GRK2: variants seen among roughly 807,000 people sequenced by gnomAD.
GRK2 encodes the protein adrenergic beta receptor kinase 1.
In GRK2, 23 loss-of-function variants were observed where a neutral mutation model predicts 97.8. That is an observed-to-expected ratio of 0.24 (90% CI 0.17 to 0.33). GRK2 has a LOEUF of 0.33. GRK2 is among the 10% of genes least tolerant of loss of function. The pLI, the probability that GRK2 is intolerant of heterozygous loss-of-function variation, is 1.00. For synonymous variants in GRK2, 425 were observed against 381.7 expected, an observed-to-expected ratio of 1.11 and a Z score of -1.32; for missense variants, 633 against 956.9, an observed-to-expected ratio of 0.66 and a Z score of 4.47.
At chr11:67,278,841 C>G (rs2136498763) in intron 2 of GRK2, among the ~76,000 whole-genome samples, 1 of 152,324 alleles carries the variant, frequency 6.6e-6, no homozygotes, top group East Asian at 1.9e-4. Context: ...CCTCACAGAG[C>G]AGGCGCAGGG....
rs1005211602 is a variant in GRK2 at position 67,286,312 on chromosome 11, C to T, written c.*862C>T. ...CCCCCCATCCTGGCCCATCAGTGTA[C>T]CCCCGCCCAGGCTGGCCAGCCCCAC... On this transcript the variant is annotated 3_prime_UTR_variant, in exon 21 of 21. Transcript: ENST00000308595. 1 of 672,972 alleles carries T rather than the reference C, an allele frequency of 1.5e-6. No homozygotes were observed. Among genetic ancestry groups the T allele is most frequent in the Non-Finnish European group, 2.7e-6 (1 of 374,464 alleles). 41.7% of individuals were successfully genotyped at this position (672,972 alleles called of 1,614,324 possible). A position where few individuals can be genotyped will look rare whatever the true frequency, so the allele number is the denominator to read the frequency against.
rs1860289459 is a variant in GRK2 at position 67,286,540 on chromosome 11, T to TA, written c.*1096dup. 1 of 701,416 alleles carries TA rather than the reference T, an allele frequency of 1.4e-6. No individual in the cohort carries two copies. The highest frequency in any genetic ancestry group is 2.6e-6 in the Non-Finnish European group (1 of 383,982). 43.4% of individuals were successfully genotyped at this position (701,416 alleles called of 1,614,324 possible). On this transcript the variant is annotated 3_prime_UTR_variant, in exon 21 of 21. Transcript: ENST00000308595. ...TGAAAAATGAGACTATGCGTTTTTA[T>TA]AAAAAATGGTGCCTGATTCGGCTGT... is the stretch of plus-strand genomic sequence containing the variant.
chr11:67,272,274 G>C (rs781251592), intron 1 of GRK2, among the ~76,000 whole-genome samples: 1 of 152,324 alleles, frequency 6.6e-6, no homozygotes, highest in African/African-American at 2.4e-5. Flanking sequence ...GGTCAAGGGG[G>C]GGATGGAGGG....
At chr11:67,284,001 G>A in intron 17 of GRK2, 52 bp downstream of exon 17, 1 of 1,496,538 alleles carries the variant, frequency 6.7e-7, no homozygotes, top group Non-Finnish European at 9.2e-7. Flanking sequence ...CTGGCCTGGG[G>A]AAGGATCCCT....
At position 67,281,757 on chromosome 11, in the gene GRK2, C is replaced by T. The variant is rs372402791; in HGVS notation, c.826+29C>T. The T allele has an allele frequency of 6.8e-6, 11 of 1,613,458 alleles. No homozygotes were observed. Among genetic ancestry groups the T allele is most frequent in the African/African-American group, 4.0e-5 (3 of 74,910 alleles). ...AGTGCTGGCCGGGCCCTAGGGTGGG[C>T]CGGGCCCAGGCACGGGAGGCTGGGG... On this transcript the variant is annotated intron_variant, in intron 10 of 20. Transcript: ENST00000308595. This position sits in a 1 kb window ranked among gnomAD's most constrained non-coding sequence, Gnocchi z 5.7.
At chr11:67,280,886 T>C in intron 7 of GRK2, 103 bp downstream of exon 7, 1 of 1,394,748 alleles carries the variant, frequency 7.2e-7, no homozygotes. Flanking sequence ...AGGGGATGTC[T>C]GTCCTTTAGC....
At chr11:67,267,686 G>A (rs1399924381) in intron 1 of GRK2, among the ~76,000 whole-genome samples, 1 of 152,244 alleles carries the variant, frequency 6.6e-6, no homozygotes, top group Non-Finnish European at 1.5e-5. Flanking sequence ...CAGGATGTAG[G>A]TGCAAAAGTA....
At chr11:67,277,498 C>G in intron 2 of GRK2, 150 bp downstream of exon 2, 1 of 694,642 alleles carries the variant, frequency 1.4e-6, no homozygotes, top group East Asian at 2.8e-5. Flanking sequence ...TGCTCCAAGT[C>G]GCTGCGACCC....
Position 67,282,863 on chromosome 11 carries a change from C to T in GRK2, c.1227+45C>T, listed in dbSNP as rs1222283036. On this transcript the variant is annotated intron_variant, in intron 14 of 20. Transcript: ENST00000308595. This position sits in a 1 kb window ranked among gnomAD's most constrained non-coding sequence, Gnocchi z 6.9. ...CAGGGCCGCAGGGGGCTGGGGGGAGCTCCTGTGGGTGCCAGGCCATGACTC... is the reference window on the plus strand; with the variant it reads ...CAGGGCCGCAGGGGGCTGGGGGGAGTTCCTGTGGGTGCCAGGCCATGACTC... 8.9e-6 allele frequency: 14 copies of T among 1,569,726 alleles called. No individual in the cohort carries two copies. The highest frequency in any genetic ancestry group is 1.0e-5 in the Non-Finnish European group (12 of 1,157,468).
chr11:67,280,830 C>T (rs759096293), intron 7 of GRK2, 47 bp downstream of exon 7: 129 of 1,605,244 alleles, frequency 8.0e-5, no homozygotes, highest in Non-Finnish European at 1.0e-4. Flanking sequence ...CCCTGCTGCT[C>T]CTCTCCCGGG....
In GRK2 at chr11:67,279,878, G is replaced by A. The variant is rs1157182710; in HGVS notation, c.481G>A (p.Val161Met). The A allele has an allele frequency of 5.0e-6, 8 of 1,613,986 alleles. No homozygotes were observed. Among genetic ancestry groups the A allele is most frequent in the East Asian group, 2.2e-5 (1 of 44,888 alleles). Residue 161 changes from valine (V) to methionine (M), a missense_variant, in exon 6 of 21, where the codon GTG (valine) becomes ATG (methionine). Around this residue, in one of 4 missense-constraint regions of GRK2, gnomAD observed 192 missense variants for 362.3 expected, o/e 0.53. Coordinates refer to ENST00000308595, the MANE Select transcript of GRK2 (RefSeq NM_001619.5). The stretch of plus-strand genomic sequence containing the variant: ...GATTTGTCAAAACCTCCGAGGGGAC[G>A]TGTTCCAGAAATTCATTGAGAGGTG... ...EEICQNLRGD[V>M]FQKFIESDKF...
At position 67,285,386 on chromosome 11, in the gene GRK2, G is replaced by T; in HGVS notation, c.2006G>T (p.Arg669Leu). Residue 669 changes from arginine (R) to leucine (L), a missense_variant, in exon 21 of 21, where the codon CGC becomes CTC. By Grantham distance (102) the Arg-to-Leu change is moderately radical. Transcript: ENST00000308595. The part of the protein sequence containing the change: ...QRVPKMKNKP[R>L]SPVVELSKVP... ...GTGCCCAAGATGAAGAACAAGCCGC[G>T]CTCGCCCGTGGTGGAGCTGAGCAAG... The T allele has an allele frequency of 1.9e-6, 3 of 1,609,222 alleles. No homozygotes were observed. The highest frequency in any genetic ancestry group is 2.5e-6 in the Non-Finnish European group (3 of 1,179,056).
In GRK2 at chr11:67,279,795, G is replaced by A. The variant is rs751318182; in HGVS notation, c.442-44G>A. On this transcript the variant is annotated intron_variant, in intron 5 of 20. Coordinates refer to ENST00000308595, the MANE Select transcript of GRK2 (RefSeq NM_001619.5). Reference sequence around the variant, plus strand: ...CCAGGGGTGGGGCCTGGGCAACCACGGTCTCTCGGGGCTCAGTCACCAACT... The same window carrying A: ...CCAGGGGTGGGGCCTGGGCAACCACAGTCTCTCGGGGCTCAGTCACCAACT... The A allele has an allele frequency of 1.1e-5, 17 of 1,613,044 alleles. No individual in the cohort carries two copies. The South Asian group carries it at 1.1e-4, about 10-fold the overall frequency.
chr11:67,266,775 G>T lies in GRK2; in HGVS notation c.76G>T (p.Ala26Ser). 7.3e-7 allele frequency: 1 copy of T among 1,364,266 alleles called. No homozygotes were observed. Among genetic ancestry groups the T allele is most frequent in the Non-Finnish European group, 9.6e-7 (1 of 1,044,356 alleles). The allele number at this position is 1,364,266 out of a possible 1,614,324, so 84.5% of individuals were successfully genotyped here. ...GGAGAAGAGCAAGGCCACGCCGGCCGCGCGCGCCAGCAAGAAGATCCTGCT... is the reference window on the plus strand; with the variant it reads ...GGAGAAGAGCAAGGCCACGCCGGCCTCGCGCGCCAGCAAGAAGATCCTGCT... ...AMEKSKATPAARASKKILLPE... is the reference protein window; with the variant it reads ...AMEKSKATPASRASKKILLPE... Residue 26 changes from alanine to serine, a missense_variant, in exon 1 of 21, where the codon GCG (alanine) becomes TCG (serine). Ala to Ser is a moderately conservative substitution (Grantham distance 99). Coordinates refer to ENST00000308595, the MANE Select transcript of GRK2 (RefSeq NM_001619.5).
chr11:67,270,054 C>T (rs1859874608), intron 1 of GRK2, among the ~76,000 whole-genome samples: 1 of 152,150 alleles, frequency 6.6e-6, no homozygotes, highest in African/African-American at 2.4e-5. Flanking sequence ...GGGACCCAGG[C>T]GAGTCCCTTA....
At position 67,269,258 on chromosome 11, in the gene GRK2, C is replaced by G. The variant is rs1239764050; in HGVS notation, c.113+2446C>G. Among the ~76,000 whole-genome samples the G allele has an allele frequency of 6.6e-6, 1 of 151,562 alleles. No individual in the cohort carries two copies. The highest frequency in any genetic ancestry group is 2.1e-4 in the South Asian group (1 of 4,806). On this transcript the variant is annotated intron_variant, in intron 1 of 20. Coordinates refer to ENST00000308595, the MANE Select transcript of GRK2 (RefSeq NM_001619.5). This position sits in a 1 kb window ranked among gnomAD's most constrained non-coding sequence, Gnocchi z 4.1. Reference sequence around the variant, plus strand: ...CTGACACTTTTCCACTTGCAGAGTGCTTTTTACTCTGTTTTGTCCTTTTGA... The same window carrying G: ...CTGACACTTTTCCACTTGCAGAGTGGTTTTTACTCTGTTTTGTCCTTTTGA...
rs1860256535 is a variant in GRK2 at position 67,285,423 on chromosome 11, C to T, written c.2043C>T (p.Val681=). ...PVVELSKVPL[V]QRGSANGL ...TGGAGCTGAGCAAGGTGCCGCTGGT[C>T]CAGCGCGGCAGTGCCAACGGCCTCT... The change falls in exon 21 of 21, where the codon GTC becomes GTT. Residue 681 remains valine (V), a synonymous_variant. Transcript: ENST00000308595. 3 of 1,590,652 alleles carry T rather than the reference C, an allele frequency of 1.9e-6. No individual in the cohort carries two copies. The highest frequency in any genetic ancestry group is 8.6e-7 in the Non-Finnish European group (1 of 1,167,010).
In GRK2 at chr11:67,282,027, G is replaced by A. The variant is rs2136503140; in HGVS notation, c.957+75G>A. 4.4e-6 allele frequency: 7 copies of A among 1,588,464 alleles called. No homozygotes were observed. The East Asian group carries it at 6.7e-5, about 15-fold the overall frequency. On this transcript the variant is annotated intron_variant, in intron 11 of 20. Coordinates refer to ENST00000308595, the MANE Select transcript of GRK2 (RefSeq NM_001619.5). This position sits in a 1 kb window ranked among gnomAD's most constrained non-coding sequence, Gnocchi z 6.9. Reference sequence around the variant, plus strand: ...TTCCTCTCGACATCCCGGCCACCAGGCCCAGAGGAGTGGGGCTCCTGGGAC... The same window carrying A: ...TTCCTCTCGACATCCCGGCCACCAGACCCAGAGGAGTGGGGCTCCTGGGAC...
In GRK2 at chr11:67,280,800, G is replaced by A. The variant is rs1860131938; in HGVS notation, c.555+17G>A. The A allele has an allele frequency of 6.2e-7, 1 of 1,613,772 alleles. No individual in the cohort carries two copies. The highest frequency in any genetic ancestry group is 1.3e-5 in the African/African-American group (1 of 75,068). On this transcript the variant is annotated intron_variant, in intron 7 of 20. Coordinates refer to ENST00000308595, the MANE Select transcript of GRK2 (RefSeq NM_001619.5). Reference sequence around the variant, plus strand: ...AACATCCACGTGAGTGGGCTTGGGTGGGGCATGGAAAGCCACGCACCCTGC... The same window carrying A: ...AACATCCACGTGAGTGGGCTTGGGTAGGGCATGGAAAGCCACGCACCCTGC...
Sources: gnomAD v4.1 joint callset for allele counts (sites outside exome capture counted in the v4.1 genomes callset) on GRCh38, gnomAD v4.1.1 for gene constraint, gnomAD v4.1.1 regional missense constraint, Gnocchi (gnomAD v3.1) non-coding constraint, MANE v1.5 for transcripts, NCBI Gene and HGNC (gene_info 2026-07-23, HGNC 2026-07-21) for gene names.